The following MTR variants were observed in gnomAD, a reference collection of about 807,000 sequenced individuals.
MTR encodes 5-methyltetrahydrofolate-homocysteine methyltransferase, also known as methionine synthase.
In MTR, 84 loss-of-function variants were observed where a neutral mutation model predicts 154.8. That is an observed-to-expected ratio of 0.54 (90% CI 0.45 to 0.65). MTR has a LOEUF of 0.65. MTR is among the 30% of genes least tolerant of loss of function. The pLI, the probability that MTR is intolerant of heterozygous loss-of-function variation, is 0.00. For missense variants in MTR, 1,275 were observed against 1,570.2 expected, an observed-to-expected ratio of 0.81 and a Z score of 3.18; for synonymous variants, 554 against 553.9, an observed-to-expected ratio of 1.00 and a Z score of 0.00.
chr1:236,890,632 T>C (rs1259439710), intron 28 of MTR, among the ~76,000 whole-genome samples: 2 of 152,228 alleles, frequency 1.3e-5, no homozygotes. Context: ...CATGGTACTG[T>C]TGAAGGCCCC....
At chr1:236,829,112 A>C in intron 11 of MTR, 77 bp from the exon 12 acceptor site, 1 of 1,142,094 alleles carries the variant, frequency 8.8e-7, no homozygotes, top group Non-Finnish European at 1.3e-6. Flanking sequence ...TTATAGTTAA[A>C]ATTAGTTTTG....
At chr1:236,893,192 C>G (rs944196941) in intron 29 of MTR, among the ~76,000 whole-genome samples, 3 of 152,112 alleles carry the variant, frequency 2.0e-5, no homozygotes, top group Admixed American at 2.0e-4. Context: ...ATTGATGGGC[C>G]GAGTATACCT....
intron 22 of MTR, among the ~76,000 whole-genome samples, chr1:236,866,742 G>A (rs1218190725): frequency 6.6e-6 from 1 of 152,206 alleles, no homozygotes; most frequent in East Asian, 1.9e-4. Context: ...CCCCACTGCT[G>A]TTATGAGGAA....
At chr1:236,836,506 G>T (rs888731246) in intron 14 of MTR, among the ~76,000 whole-genome samples, 5 of 152,186 alleles carry the variant, frequency 3.3e-5, no homozygotes, top group Non-Finnish European at 1.5e-5. Context: ...AAAGTGGTAG[G>T]ATTGCAGTTG....
In MTR at chr1:236,861,019, G is replaced by A. The variant is rs543698767; in HGVS notation, c.2044-106G>A. On this transcript the variant is annotated intron_variant, in intron 19 of 32. Transcript: ENST00000366577. ...CATGCACTCTGCTTCTGGAACCTGT[G>A]CTGTTAGGCATTTTCATGATGGCTC... 3.1e-6 allele frequency: 3 copies of A among 961,248 alleles called. No homozygotes were observed. The East Asian group carries it at 7.9e-5, about 25-fold the overall frequency. The allele number at this position is 961,248 out of a possible 1,614,324, so 59.5% of individuals were successfully genotyped here.
In MTR at chr1:236,795,685, A is replaced by G. The variant is rs1292623995; in HGVS notation, c.-19A>G. 2 of 1,613,882 alleles carry G rather than the reference A, an allele frequency of 1.2e-6. No individual in the cohort carries two copies. Among genetic ancestry groups the G allele is most frequent in the African/African-American group, 1.3e-5 (1 of 74,950 alleles). ...GTCTTCTCTGCCGCGCCCTCTGCGCAAGGAGGAGACTCGACAACATGTCAC... is the reference window on the plus strand; with the variant it reads ...GTCTTCTCTGCCGCGCCCTCTGCGCGAGGAGGAGACTCGACAACATGTCAC... On this transcript the variant is annotated 5_prime_UTR_variant, in exon 1 of 33. Transcript: ENST00000366577.
At chr1:236,823,896 C>G (rs1239563382) in intron 8 of MTR, among the ~76,000 whole-genome samples, 1 of 141,816 alleles carries the variant, frequency 7.1e-6, no homozygotes, top group Admixed American at 7.5e-5. Context: ...AGGAGTCCAC[C>G]CACAGGCAGC....
intron 8 of MTR, among the ~76,000 whole-genome samples, chr1:236,821,919 C>T (rs1661977803): frequency 6.6e-6 from 1 of 152,172 alleles, no homozygotes; most frequent in Non-Finnish European, 1.5e-5. Context: ...ATCTATTTGT[C>T]TCTTCTTACA....
At chr1:236,845,132 G>A (rs1219707451) in intron 15 of MTR, among the ~76,000 whole-genome samples, 4 of 152,210 alleles carry the variant, frequency 2.6e-5, no homozygotes. Flanking sequence ...GTGGAACCAA[G>A]TTTTTACCTT....
chr1:236,899,638 TAAGTC>T lies in MTR; in HGVS notation c.*1997_*2001del, dbSNP rs1666835299. 6.6e-6 allele frequency: 1 copy of T among 152,218 alleles called. No homozygotes were observed. Among genetic ancestry groups the T allele is most frequent in the Non-Finnish European group, 1.5e-5 (1 of 68,038 alleles). 9.4% of individuals were successfully genotyped at this position (152,218 alleles called of 1,614,324 possible). On this transcript the variant is annotated 3_prime_UTR_variant, in exon 33 of 33. Transcript: ENST00000366577. The stretch of plus-strand genomic sequence containing the variant: ...TAGTAATCATAAAGGACAAGATGGT[TAAGTC>T]AATTCTGTTAAAACTCAAGGCTTAT...
Position 236,897,641 on chromosome 1 carries a change from C to A in MTR, c.3795C>A (p.Asp1265Glu). ...WLGPILGYDT[D>E] is the part of the protein sequence containing the mutation. ...GACCCATTTTGGGATATGATACAGA[C>A]TAACTTTTTTTTTTTTTTTGCCTTT... Residue 1265 changes from aspartate (D) to glutamate (E), a missense_variant, in exon 33 of 33, where the codon GAC (aspartate) becomes GAA (glutamate). Transcript: ENST00000366577. 2 of 1,597,790 alleles carry A rather than the reference C, an allele frequency of 1.3e-6. No individual in the cohort carries two copies. Among genetic ancestry groups the A allele is most frequent in the Non-Finnish European group, 1.7e-6 (2 of 1,168,030 alleles).
intron 1 of MTR, among the ~76,000 whole-genome samples, chr1:236,803,019 ATATTT>A (rs1660779779): frequency 6.6e-6 from 1 of 152,216 alleles, no homozygotes; most frequent in African/African-American, 2.4e-5. Flanking sequence ...GTCAAAGCTA[ATATTT>A]TAAAGAATAG....
chr1:236,811,684 T>A (rs1170347937), intron 5 of MTR: 1 of 456,300 alleles, frequency 2.2e-6, no homozygotes, highest in Admixed American at 2.3e-5. Flanking sequence ...GCTCTTGGGC[T>A]GTACAAGGTG....
chr1:236,882,460 G>A (rs988666651), intron 25 of MTR, among the ~76,000 whole-genome samples: 5 of 150,712 alleles, frequency 3.3e-5, no homozygotes, highest in Admixed American at 3.3e-4. Context: ...GCTCGATCTC[G>A]GCTTACTGCA....
intron 30 of MTR, chr1:236,894,910 T>G (rs962222443): frequency 5.7e-5 from 21 of 365,586 alleles, no homozygotes; most frequent in African/African-American, 4.4e-4. Context: ...TCAGAGCCCC[T>G]CGTTGTAATG....
chr1:236,855,786 G>C (rs1302841634), intron 18 of MTR, among the ~76,000 whole-genome samples: 3 of 152,140 alleles, frequency 2.0e-5, no homozygotes, highest in Non-Finnish European at 4.4e-5. Flanking sequence ...CAGTTTGCTT[G>C]GTAGCTTTCT....
chr1:236,843,676 A>G (rs931762196), intron 15 of MTR, among the ~76,000 whole-genome samples: 1 of 152,226 alleles, frequency 6.6e-6, no homozygotes, highest in South Asian at 2.1e-4. Context: ...GTTAAAAGTC[A>G]TCTGTTTCTA....
At chr1:236,815,692 T>TCTG (rs1553312497) in intron 7 of MTR, 29 bp downstream of exon 7, 15 of 1,600,010 alleles carry the variant, frequency 9.4e-6, no homozygotes, top group African/African-American at 8.1e-5. Flanking sequence ...GCACAATACA[T>TCTG]TCTTTTATTA....
rs774108059 is a variant in MTR at position 236,795,634 on chromosome 1, TGGC to T, written c.-69_-67del. 6.2e-7 allele frequency: 1 copy of T among 1,608,764 alleles called. No homozygotes were observed. Among genetic ancestry groups the T allele is most frequent in the Non-Finnish European group, 8.5e-7 (1 of 1,179,274 alleles). The stretch of plus-strand genomic sequence containing the variant: ...GCCTGGCGCTGGCTGGCGTGGCCCT[TGGC>T]CGTCGTCACCTGTGGAGAGCACGTC... On this transcript the variant is annotated 5_prime_UTR_variant, in exon 1 of 33. Transcript: ENST00000366577.
Sources: allele counts gnomAD v4.1 joint callset (sites outside exome capture counted in the v4.1 genomes callset), GRCh38; gene constraint gnomAD v4.1.1; transcripts MANE v1.5; gene names NCBI Gene and HGNC (gene_info 2026-07-23, HGNC 2026-07-21).